Variants in LHPP observed in about 807,000 individuals in gnomAD.
LHPP encodes the protein phospholysine phosphohistidine inorganic pyrophosphate phosphatase.
LHPP carries 24 observed loss-of-function variants against 30.3 expected under a neutral mutation model. The observed-to-expected ratio is 0.79, with a 90% CI of 0.57 to 1.11. The LOEUF (loss-of-function observed/expected upper bound fraction) is 1.11. Ranked by LOEUF, LHPP falls within the 50% of genes most tolerant of loss-of-function variation. The probability of loss-of-function intolerance (pLI) is 0.00; values close to 1 mark genes in which losing one functional copy is unlikely to be tolerated. For missense variants in LHPP, 356 were observed against 367.2 expected (o/e 0.97, Z 0.25); for synonymous variants, 150 against 157.1 (o/e 0.95, Z 0.34).
At chr10:124,536,132 C>T (rs1480809751) in intron 6 of LHPP, among the ~76,000 whole-genome samples, 3 of 152,218 alleles carry the variant, frequency 2.0e-5, no homozygotes, top group Non-Finnish European at 2.9e-5. Flanking sequence ...GGCACTGGGT[C>T]CCCGGGCTTT....
Position 124,510,406 on chromosome 10 carries a change from G to T in LHPP, c.625-6774G>T. ...AGCTGTGCACCCAGCCGGCCCTGGCGTCCCGGCCCCCAGCCTCCGCCTCCC... is the reference window on the plus strand; with the variant it reads ...AGCTGTGCACCCAGCCGGCCCTGGCTTCCCGGCCCCCAGCCTCCGCCTCCC... On this transcript the variant is annotated intron_variant, in intron 5 of 6. Transcript: ENST00000368842. This position sits in a 1 kb window ranked among gnomAD's most constrained non-coding sequence, Gnocchi z 4.0. Among the ~76,000 whole-genome samples, 1 of 152,182 alleles carries T rather than the reference G, an allele frequency of 6.6e-6. No homozygotes were observed. Among genetic ancestry groups the T allele is most frequent in the Middle Eastern group, 3.4e-3 (1 of 292 alleles).
intron 5 of LHPP, among the ~76,000 whole-genome samples, chr10:124,504,228 C>T (rs937000677): frequency 6.6e-6 from 1 of 151,512 alleles, no homozygotes; most frequent in African/African-American, 2.4e-5. Context: ...GGTATGATCA[C>T]AACCATCTCA....
At chr10:124,550,917 A>T (rs1271269556) in intron 6 of LHPP, among the ~76,000 whole-genome samples, 1 of 152,142 alleles carries the variant, frequency 6.6e-6, no homozygotes, top group East Asian at 1.9e-4. Context: ...CCCACAGAGG[A>T]GGCTGGTCCA....
chr10:124,520,309 G>A (rs1312315258), intron 6 of LHPP, among the ~76,000 whole-genome samples: 1 of 151,518 alleles, frequency 6.6e-6, no homozygotes, highest in Non-Finnish European at 1.5e-5. Context: ...CCCTCCAACA[G>A]GCCCCAGTGT....
At chr10:124,514,543 A>G (rs1275733699) in intron 5 of LHPP, among the ~76,000 whole-genome samples, 1 of 152,244 alleles carries the variant, frequency 6.6e-6, no homozygotes, top group African/African-American at 2.4e-5. Flanking sequence ...TGTTTCCAAC[A>G]AGAAATCTAA....
intron 5 of LHPP, 37 bp downstream of exon 5, chr10:124,498,165 A>AGCCCCATCAGGGAGGCC (rs1953785923): frequency 3.2e-6 from 5 of 1,542,462 alleles, no homozygotes; most frequent in African/African-American, 1.4e-5. Flanking sequence ...CAGGGGAGGC[A>AGCCCCATCAGGGAGGCC]GCCCCGTCAG....
At chr10:124,609,870 G>A (rs762411559) in intron 6 of LHPP, among the ~76,000 whole-genome samples, 7 of 152,214 alleles carry the variant, frequency 4.6e-5, no homozygotes, top group Non-Finnish European at 8.8e-5. Context: ...CAATTCTGCC[G>A]TGGTCTGTTT....
At chr10:124,543,271 C>G (rs887433840) in intron 6 of LHPP, among the ~76,000 whole-genome samples, 3 of 152,274 alleles carry the variant, frequency 2.0e-5, no homozygotes, top group African/African-American at 7.2e-5. Flanking sequence ...CCCAGAGGGA[C>G]AGGAGTTTGT....
At chr10:124,525,555 C>T (rs939523731) in intron 6 of LHPP, among the ~76,000 whole-genome samples, 1 of 152,216 alleles carries the variant, frequency 6.6e-6, no homozygotes, top group African/African-American at 2.4e-5. Flanking sequence ...GACGCTGGGC[C>T]TCCTGAGAGA....
chr10:124,588,066 G>A (rs1341015237), intron 6 of LHPP, among the ~76,000 whole-genome samples: 1 of 152,242 alleles, frequency 6.6e-6, no homozygotes, highest in Non-Finnish European at 1.5e-5. Flanking sequence ...CTCCAGGCAG[G>A]CCACATTCAC....
At chr10:124,498,600 C>A in intron 5 of LHPP, 1 of 804,866 alleles carries the variant, frequency 1.2e-6, no homozygotes, top group Non-Finnish European at 1.9e-6. Context: ...TTATTGTCTA[C>A]ACCTACCCCA....
intron 6 of LHPP, among the ~76,000 whole-genome samples, chr10:124,599,299 C>T (rs1321529636): frequency 6.6e-6 from 1 of 152,232 alleles, no homozygotes; most frequent in African/African-American, 2.4e-5. Context: ...TCCACCCATC[C>T]ACCCAGGCGA....
chr10:124,502,667 CTT>C (rs1190430106), intron 5 of LHPP, among the ~76,000 whole-genome samples: 7 of 71,346 alleles, frequency 9.8e-5, no homozygotes, highest in South Asian at 9.6e-4. Context: ...CACGCCCAGC[CTT>C]TTTTTTTTTT....
chr10:124,565,596 A>G (rs1948473907), intron 6 of LHPP, among the ~76,000 whole-genome samples: 1 of 152,190 alleles, frequency 6.6e-6, no homozygotes, highest in South Asian at 2.1e-4. Flanking sequence ...TGGGGAGGAC[A>G]TTGTTCAGGA....
intron 6 of LHPP, among the ~76,000 whole-genome samples, chr10:124,540,860 G>A (rs1955166562): frequency 6.6e-6 from 1 of 152,162 alleles, no homozygotes; most frequent in South Asian, 2.1e-4. Flanking sequence ...TGGATCCAGA[G>A]GAACCTGGGC....
intron 1 of LHPP, among the ~76,000 whole-genome samples, chr10:124,469,617 C>G (rs895980254): frequency 1.3e-5 from 2 of 152,150 alleles, no homozygotes; most frequent in Non-Finnish European, 2.9e-5. Context: ...CATGCACACA[C>G]ACACATTCGT....
At chr10:124,551,993 G>A (rs187225643) in intron 6 of LHPP, among the ~76,000 whole-genome samples, 70 of 152,174 alleles carry the variant, frequency 4.6e-4, no homozygotes, top group African/African-American at 1.5e-3. Flanking sequence ...GCACAGGCAC[G>A]TCCATCCCCT....
chr10:124,521,992 A>C (rs1230251210), intron 6 of LHPP, among the ~76,000 whole-genome samples: 1 of 152,152 alleles, frequency 6.6e-6, no homozygotes, highest in African/African-American at 2.4e-5. Context: ...CCTTAGATGT[A>C]TCCATTTCTC....
At chr10:124,483,375 G>A (rs1010706809) in intron 1 of LHPP, among the ~76,000 whole-genome samples, 1 of 152,190 alleles carries the variant, frequency 6.6e-6, no homozygotes, top group Non-Finnish European at 1.5e-5. Context: ...GTGGTGGAAA[G>A]GGACAGAGAA....
Sources: allele counts gnomAD v4.1 joint callset (sites outside exome capture counted in the v4.1 genomes callset), GRCh38; gene constraint gnomAD v4.1.1; non-coding constraint Gnocchi (gnomAD v3.1); transcripts MANE v1.5; gene names NCBI Gene and HGNC (gene_info 2026-07-23, HGNC 2026-07-21).